NUCB2: variants seen among roughly 807,000 people sequenced by gnomAD.
The protein encoded by NUCB2 is nucleobindin 2.
NUCB2 carries 48 observed loss-of-function variants against 57.9 expected under a neutral mutation model. That is an observed-to-expected ratio of 0.83 (90% CI 0.66 to 1.05). The LOEUF is 1.05. Ranked by LOEUF, NUCB2 falls within the 50% of genes least tolerant of loss-of-function variation. The pLI, the probability that NUCB2 is intolerant of heterozygous loss-of-function variation, is 0.00. For missense variants in NUCB2, 442 were observed against 476.2 expected (o/e 0.93, Z 0.67); for synonymous variants, 139 against 152.1 (o/e 0.91, Z 0.64).
chr11:17,285,680 T>C (rs1161523609), intron 2 of NUCB2, among the ~76,000 whole-genome samples: 5 of 143,844 alleles, frequency 3.5e-5, no homozygotes, highest in East Asian at 4.1e-4. Context: ...GGAGGCGGAG[T>C]TTGCAGTGAG....
intron 2 of NUCB2, among the ~76,000 whole-genome samples, chr11:17,294,583 G>A (rs1945488663): frequency 6.7e-6 from 1 of 150,238 alleles, no homozygotes; most frequent in African/African-American, 2.4e-5. Flanking sequence ...TGTAAAATGT[G>A]TCACTCTCCT....
intron 1 of NUCB2, among the ~76,000 whole-genome samples, chr11:17,277,991 A>C (rs569798709): frequency 6.6e-6 from 1 of 152,274 alleles, no homozygotes; most frequent in East Asian, 1.9e-4. Context: ...AATTAGGATG[A>C]ACATGGAAAC....
intron 11 of NUCB2, among the ~76,000 whole-genome samples, chr11:17,325,716 G>A (rs1464882852): frequency 6.6e-6 from 1 of 151,914 alleles, no homozygotes; most frequent in African/African-American, 2.4e-5. Context: ...CTGCCATTTT[G>A]TTATTTTTCT....
chr11:17,315,499 G>A, intron 11 of NUCB2, 24 bp downstream of exon 11: 1 of 1,399,540 alleles, frequency 7.1e-7, no homozygotes, highest in Admixed American at 1.7e-5. Flanking sequence ...CTCTAAATGA[G>A]ATGTATGGTT....
At chr11:17,293,408 G>GA (rs139244130) in intron 2 of NUCB2, among the ~76,000 whole-genome samples, 2,850 of 152,206 alleles carry the variant, frequency 0.019, 93 homozygotes, top group African/African-American at 0.065. Flanking sequence ...ACACGTGGAA[G>GA]ATATGGAAAA....
At chr11:17,294,137 T>C (rs1762940618) in intron 2 of NUCB2, among the ~76,000 whole-genome samples, 1 of 152,304 alleles carries the variant, frequency 6.6e-6, no homozygotes, top group African/African-American at 2.4e-5. Flanking sequence ...TAAAAGTAAT[T>C]GTGGGGAAGA....
intron 5 of NUCB2, among the ~76,000 whole-genome samples, chr11:17,307,023 T>C (rs530256800): frequency 6.6e-6 from 1 of 152,184 alleles, no homozygotes; most frequent in African/African-American, 2.4e-5. Context: ...GAGGAAGGGC[T>C]TAAACAGTCT....
At position 17,331,035 on chromosome 11, in the gene NUCB2, T is replaced by C. The variant is rs559938002; in HGVS notation, c.1255+52T>C. ...TTAGGAAAATAAATTATTTTATCAA[T>C]TGAAATCCACATTTATTACAAATAT... On this transcript the variant is annotated intron_variant, in intron 13 of 13. Coordinates refer to ENST00000529010, the MANE Select transcript of NUCB2 (RefSeq NM_005013.4). 5.5e-6 allele frequency: 6 copies of C among 1,089,076 alleles called. No homozygotes were observed. In the African/African-American group the frequency reaches 9.5e-5, roughly 17 times the overall value. 67.5% of individuals were successfully genotyped at this position (1,089,076 alleles called of 1,614,324 possible).
At chr11:17,318,054 C>G (rs2521996) in intron 11 of NUCB2, among the ~76,000 whole-genome samples, 149,177 of 149,536 alleles carry the variant, frequency 1, 74,414 homozygotes, top group Middle Eastern at 1. Flanking sequence ...CTGGAGTACA[C>G]TGACGTGATC....
intron 11 of NUCB2, among the ~76,000 whole-genome samples, chr11:17,323,886 C>T (rs1950335390): frequency 6.6e-6 from 1 of 152,136 alleles, no homozygotes; most frequent in Non-Finnish European, 1.5e-5. Context: ...CATTAAGGAT[C>T]CATTGAATTT....
chr11:17,292,776 G>T (rs1180577392), intron 2 of NUCB2, among the ~76,000 whole-genome samples: 1 of 152,210 alleles, frequency 6.6e-6, no homozygotes, highest in Non-Finnish European at 1.5e-5. Flanking sequence ...GTCATTGTAA[G>T]AGTTGATGCG....
rs149997538 is a variant in NUCB2 at position 17,328,000 on chromosome 11, G to A, written c.1003-2127G>A. Among the ~76,000 whole-genome samples the A allele has an allele frequency of 2.5e-4, 38 of 151,964 alleles. No individual in the cohort carries two copies. In the East Asian group the frequency reaches 7.2e-3, roughly 29 times the overall value. On this transcript the variant is annotated intron_variant, in intron 11 of 13. Coordinates refer to ENST00000529010, the MANE Select transcript of NUCB2 (RefSeq NM_005013.4). ...TGGTGATGTGTGTAGATGTTTGTTG[G>A]TATCAGAGCATTGAAGAGTTAGATA... is the stretch of plus-strand genomic sequence containing the variant.
intron 5 of NUCB2, 116 bp downstream of exon 5, chr11:17,301,986 AC>A: frequency 1.3e-6 from 1 of 781,750 alleles, no homozygotes; most frequent in Non-Finnish European, 2.0e-6. Flanking sequence ...TACAGCCTTG[AC>A]CACCTGGGCT....
chr11:17,282,244 ATATATATATATATATTTTT>A (rs1308335893), intron 1 of NUCB2, among the ~76,000 whole-genome samples: 24 of 102,410 alleles, frequency 2.3e-4, no homozygotes, highest in African/African-American at 3.0e-4. Context: ...ATCTATATAT[ATATATATATATATATTTTT>A]TTTTTTTTTT....
At position 17,309,583 on chromosome 11, in the gene NUCB2, G is replaced by T; in HGVS notation, c.391G>T (p.Asp131Tyr). 1 of 1,583,326 alleles carries T rather than the reference G, an allele frequency of 6.3e-7. No homozygotes were observed. The stretch of plus-strand genomic sequence containing the variant: ...TTATTTTCTTTCAGATATAGGCATG[G>T]ACCACCAAGCTCTTCTAAAACAATT... ...KLDSLQDIGM[D>Y]HQALLKQFDH... The change falls in exon 6 of 14, where the codon GAC becomes TAC. Residue 131 changes from aspartate (D) to tyrosine (Y), a missense_variant. Transcript: ENST00000529010.
At chr11:17,307,387 T>C (rs1947833874) in intron 5 of NUCB2, among the ~76,000 whole-genome samples, 1 of 152,090 alleles carries the variant, frequency 6.6e-6, no homozygotes, top group Non-Finnish European at 1.5e-5. Flanking sequence ...CTCCTATTCC[T>C]GGCTTCAAGT....
intron 2 of NUCB2, among the ~76,000 whole-genome samples, chr11:17,348,338 TTTTTTTTTTTTTTG>T (rs1952933128): frequency 8.2e-6 from 1 of 121,456 alleles, no homozygotes; most frequent in African/African-American, 3.1e-5. Context: ...TTTTTTTTTT[TTTTTTTTTTTTTTG>T]GAGACAGAGT....
intron 5 of NUCB2, 107 bp from the exon 6 acceptor site, chr11:17,309,465 C>T: frequency 1.6e-6 from 1 of 641,830 alleles, no homozygotes; most frequent in Non-Finnish European, 2.5e-6. Context: ...TTTGGATTTC[C>T]TTATAAAATC....
intron 4 of NUCB2, 52 bp from the exon 5 acceptor site, chr11:17,301,692 G>A: frequency 7.0e-7 from 1 of 1,425,462 alleles, no homozygotes; most frequent in Non-Finnish European, 9.9e-7. Context: ...TGTTGCATTT[G>A]TCTAAAAATG....
Sources: gnomAD v4.1 joint callset for allele counts (sites outside exome capture counted in the v4.1 genomes callset) on GRCh38, gnomAD v4.1.1 for gene constraint, MANE v1.5 for transcripts, NCBI Gene and HGNC (gene_info 2026-07-23, HGNC 2026-07-21) for gene names.